Variants in SYT16 observed in about 807,000 individuals in gnomAD.
The protein encoded by SYT16 is synaptotagmin 16, also known as synaptotagmin-16.
A neutral mutation model predicts 61.4 loss-of-function variants in SYT16; 42 were observed. The observed-to-expected ratio is 0.68, with a 90% confidence interval of 0.53 to 0.89. SYT16 has a LOEUF of 0.89. Ranked by LOEUF, SYT16 falls within the 40% of genes least tolerant of loss-of-function variation. The pLI is 0.00. For synonymous variants in SYT16, 314 were observed against 302.3 expected, an observed-to-expected ratio of 1.04 and a Z score of -0.40; for missense variants, 804 against 807.3, an observed-to-expected ratio of 1.00 and a Z score of 0.05.
At chr14:61,922,425 T>A (rs1227067316) in intron 1 of SYT16, among the ~76,000 whole-genome samples, 2 of 152,088 alleles carry the variant, frequency 1.3e-5, no homozygotes, top group African/African-American at 2.4e-5. Context: ...GCAAATTAAC[T>A]CAGGAACAGA....
At chr14:61,910,403 T>C (rs1431213650) in intron 1 of SYT16, among the ~76,000 whole-genome samples, 1 of 151,890 alleles carries the variant, frequency 6.6e-6, no homozygotes, top group Non-Finnish European at 1.5e-5. Flanking sequence ...CATGCCCGGC[T>C]AATTTTTGTG....
intron 7 of SYT16, among the ~76,000 whole-genome samples, chr14:62,099,010 G>A (rs1053216448): frequency 6.6e-6 from 1 of 152,148 alleles, no homozygotes; most frequent in Non-Finnish European, 1.5e-5. Flanking sequence ...AACAAATTGG[G>A]TTGGAGGAGG....
At chr14:61,940,135 A>C (rs568972041) in intron 1 of SYT16, among the ~76,000 whole-genome samples, 4 of 152,246 alleles carry the variant, frequency 2.6e-5, no homozygotes, top group Non-Finnish European at 4.4e-5. Context: ...AAACAGATGC[A>C]TTAAGTTGCA....
chr14:61,914,778 G>T (rs1418752755), intron 1 of SYT16, among the ~76,000 whole-genome samples: 1 of 152,190 alleles, frequency 6.6e-6, no homozygotes, highest in East Asian at 1.9e-4. Flanking sequence ...TCCTGAGGGA[G>T]GCTTCTAAGT....
At chr14:61,933,933 A>G (rs962627730) in intron 1 of SYT16, among the ~76,000 whole-genome samples, 2 of 152,218 alleles carry the variant, frequency 1.3e-5, no homozygotes, top group African/African-American at 2.4e-5. Flanking sequence ...ATATACATAT[A>G]TATACACACG....
intron 1 of SYT16, among the ~76,000 whole-genome samples, chr14:61,933,967 A>G (rs2049877404): frequency 6.6e-6 from 1 of 152,218 alleles, no homozygotes; most frequent in Admixed American, 6.5e-5. Context: ...TTGTGTGTAT[A>G]TATGAGAGTG....
At chr14:62,080,321 C>CG (rs1362807876) in intron 5 of SYT16, among the ~76,000 whole-genome samples, 1 of 152,204 alleles carries the variant, frequency 6.6e-6, no homozygotes, top group Non-Finnish European at 1.5e-5. Flanking sequence ...AGAAGCTCAG[C>CG]CCTAAACCTT....
At chr14:61,916,058 G>A (rs895992359) in intron 1 of SYT16, among the ~76,000 whole-genome samples, 5 of 152,116 alleles carry the variant, frequency 3.3e-5, no homozygotes, top group African/African-American at 9.7e-5. Context: ...ATGTCTTTAA[G>A]CATATTTTTT....
intron 5 of SYT16, among the ~76,000 whole-genome samples, 195 bp from the exon 6 acceptor site, chr14:62,080,639 G>A (rs1444608837): frequency 6.6e-6 from 1 of 152,196 alleles, no homozygotes; most frequent in Non-Finnish European, 1.5e-5. Flanking sequence ...CGCACCATAT[G>A]CTAGGCACTT....
At chr14:61,821,260 C>G (rs1003109459) in intron 1 of SYT16, among the ~76,000 whole-genome samples, 5 of 152,036 alleles carry the variant, frequency 3.3e-5, no homozygotes, top group African/African-American at 1.2e-4. Context: ...CCTAACTAGC[C>G]CAAATCAATT....
At chr14:62,037,406 G>A (rs903738479) in intron 3 of SYT16, among the ~76,000 whole-genome samples, 7 of 152,182 alleles carry the variant, frequency 4.6e-5, no homozygotes, top group Admixed American at 4.6e-4. Context: ...GGTTCGGGAT[G>A]TCTCTTCTAG....
rs1450031508 is a variant in SYT16 at position 62,100,999 on chromosome 14, A to G, written c.*292A>G. 7.1e-6 allele frequency: 2 copies of G among 281,070 alleles called. No individual in the cohort carries two copies. Among genetic ancestry groups the G allele is most frequent in the Non-Finnish European group, 1.3e-5 (2 of 149,732 alleles). The allele number at this position is 281,070 out of a possible 1,614,324, so 17.4% of individuals were successfully genotyped here. A position where few individuals can be genotyped will look rare whatever the true frequency, so the allele number is the denominator to read the frequency against. ...AGATCATTGAGTTTTAGTTCAGGGT[A>G]TGGGGTGAAGCTTCTTCTGCTGTCT... On this transcript the variant is annotated 3_prime_UTR_variant, in exon 8 of 8. Transcript: ENST00000683842.
In SYT16 at chr14:61,965,227, A is replaced by G. The variant is rs189608375; in HGVS notation, c.-324-4905A>G. On this transcript the variant is annotated intron_variant, in intron 1 of 7. Transcript: ENST00000683842. The stretch of plus-strand genomic sequence containing the variant: ...TGTGCAACCCTGATTAGGCAATCCT[A>G]TAAGTCTTGTGTTGCCGCCTTCTGA... Among the ~76,000 whole-genome samples, 140 of 152,260 alleles carry G rather than the reference A, an allele frequency of 9.2e-4. 1 individual carries two copies. The highest frequency in any genetic ancestry group is 9.7e-4 in the Non-Finnish European group (66 of 68,008).
At chr14:62,009,404 G>A (rs1044306252) in intron 3 of SYT16, among the ~76,000 whole-genome samples, 3 of 152,110 alleles carry the variant, frequency 2.0e-5, no homozygotes, top group African/African-American at 7.2e-5. Context: ...TTTACAAGAG[G>A]AAACTAGTAA....
intron 1 of SYT16, among the ~76,000 whole-genome samples, chr14:61,857,688 G>A (rs533175223): frequency 6.6e-6 from 1 of 152,266 alleles, no homozygotes; most frequent in South Asian, 2.1e-4. Context: ...ACAGTGATAG[G>A]AATAACTCAG....
At chr14:61,899,743 C>T (rs2048444845) in intron 1 of SYT16, among the ~76,000 whole-genome samples, 1 of 152,056 alleles carries the variant, frequency 6.6e-6, no homozygotes. Context: ...TGAACAAAGC[C>T]CTGGGGAGCA....
At chr14:61,958,820 A>G (rs1004530184) in intron 1 of SYT16, among the ~76,000 whole-genome samples, 55 of 152,036 alleles carry the variant, frequency 3.6e-4, no homozygotes, top group African/African-American at 1.2e-3. Flanking sequence ...TTTTGTCTAG[A>G]TGGTCTATAC....
intron 2 of SYT16, among the ~76,000 whole-genome samples, chr14:61,984,369 A>G (rs894643961): frequency 2.6e-5 from 4 of 152,194 alleles, no homozygotes; most frequent in African/African-American, 9.6e-5. Context: ...AATGAATCAA[A>G]TGTGTATTTT....
intron 1 of SYT16, among the ~76,000 whole-genome samples, chr14:61,915,945 T>A (rs1479359279): frequency 6.6e-6 from 1 of 152,204 alleles, no homozygotes; most frequent in Non-Finnish European, 1.5e-5. Context: ...AAAGAAATAG[T>A]ACAACGTGAA....
Sources: allele counts gnomAD v4.1 joint callset (sites outside exome capture counted in the v4.1 genomes callset), GRCh38; gene constraint gnomAD v4.1.1; transcripts MANE v1.5; gene names NCBI Gene and HGNC (gene_info 2026-07-23, HGNC 2026-07-21).